The following NLRP2 variants were observed in gnomAD, a reference collection of about 807,000 sequenced individuals.
The protein encoded by NLRP2 is NLR family pyrin domain containing 2.
In NLRP2, 107 loss-of-function variants were observed where a neutral mutation model predicts 97.2. That is an observed-to-expected ratio of 1.10 (90% CI 0.94 to 1.29). The LOEUF is 1.29. Among genes scored for constraint, NLRP2 ranks in the 50% most tolerant of loss-of-function variants. NLRP2 has a pLI of 0.00. For missense variants in NLRP2, 1,495 were observed against 1,330.3 expected (o/e 1.12, Z -1.93); for synonymous variants, 663 against 551.5 (o/e 1.20, Z -2.83).
At chr19:54,992,454 C>T (rs1408117414) in intron 10 of NLRP2, among the ~76,000 whole-genome samples, 8 of 148,380 alleles carry the variant, frequency 5.4e-5, no homozygotes, top group African/African-American at 1.3e-4. Flanking sequence ...GAGATGTCAC[C>T]GACTCACTAA....
chr19:54,981,517 T>TCCCC, intron 4 of NLRP2, 100 bp from the exon 5 acceptor site: 3 of 274,194 alleles, frequency 1.1e-5, no homozygotes, highest in African/African-American at 3.6e-5. Context: ...GTGCCCCCCC[T>TCCCC]CCCCCCCGCC....
chr19:54,970,213 C>T lies in NLRP2; in HGVS notation c.198C>T (p.Tyr66=). 2 of 1,614,116 alleles carry T rather than the reference C, an allele frequency of 1.2e-6. No individual in the cohort carries two copies. Among genetic ancestry groups the T allele is most frequent in the Non-Finnish European group, 1.7e-6 (2 of 1,180,000 alleles). Residue 66 remains tyrosine, a synonymous_variant, in exon 2 of 13, where the codon TAC becomes TAT. Transcript: ENST00000448584. ...VEILTTHCDS[Y]WVEMASLQVF... is the part of the protein sequence containing the mutation. ...TCCTCACCACCCATTGTGACAGCTACTGGGTGGAGATGGCGAGCCTCCAGG... is the reference window on the plus strand; with the variant it reads ...TCCTCACCACCCATTGTGACAGCTATTGGGTGGAGATGGCGAGCCTCCAGG...
chr19:54,987,845 A>G (rs2072200017), intron 8 of NLRP2, among the ~76,000 whole-genome samples: 1 of 151,888 alleles, frequency 6.6e-6, no homozygotes, highest in African/African-American at 2.4e-5. Flanking sequence ...GTTCAAGACC[A>G]GCCTGGCCAA....
chr19:54,980,011 G>A (rs915075425), intron 4 of NLRP2, among the ~76,000 whole-genome samples: 14 of 151,344 alleles, frequency 9.3e-5, no homozygotes, highest in African/African-American at 2.9e-4. Context: ...TCCTAACCTC[G>A]TGATCCGTCC....
intron 7 of NLRP2, 65 bp from the exon 8 acceptor site, chr19:54,986,086 G>T: frequency 9.4e-7 from 1 of 1,060,058 alleles, no homozygotes; most frequent in Non-Finnish European, 1.5e-6. Flanking sequence ...CGAGCCCCTG[G>T]TTTCCATTTA....
At chr19:54,995,713 G>C (rs1472081093) in intron 11 of NLRP2, among the ~76,000 whole-genome samples, 2 of 152,072 alleles carry the variant, frequency 1.3e-5, no homozygotes, top group African/African-American at 4.8e-5. Flanking sequence ...AGATGCACTT[G>C]AACCTGGAAT....
intron 8 of NLRP2, among the ~76,000 whole-genome samples, chr19:54,988,067 C>T (rs1365238415): frequency 6.6e-6 from 1 of 151,984 alleles, no homozygotes; most frequent in Non-Finnish European, 1.5e-5. Context: ...AAATTGATTG[C>T]TCTGGCTCTA....
chr19:54,976,998 A>C (rs1276369904), intron 3 of NLRP2: 1 of 343,594 alleles, frequency 2.9e-6, no homozygotes, highest in African/African-American at 2.2e-5. Flanking sequence ...TTGTTTTAGT[A>C]GAGACGGGGC....
chr19:54,984,740 C>CACA (rs960837073), intron 6 of NLRP2, among the ~76,000 whole-genome samples: 3 of 151,988 alleles, frequency 2.0e-5, no homozygotes, highest in Non-Finnish European at 4.4e-5. Flanking sequence ...GCCTCAGCCT[C>CACA]ACAAAGTGCT....
intron 10 of NLRP2, among the ~76,000 whole-genome samples, chr19:54,992,538 TGGGGG>T (rs58208380): frequency 2.8e-4 from 28 of 101,150 alleles, no homozygotes; most frequent in South Asian, 1.2e-3. Context: ...GGTATTTTTT[TGGGGG>T]GGGGGGGGTT....
intron 4 of NLRP2, among the ~76,000 whole-genome samples, chr19:54,978,845 TAAAA>T (rs78482875): frequency 1.5e-5 from 2 of 136,354 alleles, no homozygotes; most frequent in East Asian, 4.3e-4. Context: ...GACTCCATCT[TAAAA>T]AAAAAAAAAA....
intron 4 of NLRP2, among the ~76,000 whole-genome samples, chr19:54,979,952 A>G (rs926337859): frequency 6.6e-6 from 1 of 150,734 alleles, no homozygotes; most frequent in Non-Finnish European, 1.5e-5. Flanking sequence ...AATTTTTTGT[A>G]TTTTAGTAGA....
intron 7 of NLRP2, 109 bp from the exon 8 acceptor site, chr19:54,986,042 C>A: frequency 1.3e-6 from 1 of 785,926 alleles, no homozygotes; most frequent in Non-Finnish European, 2.2e-6. Context: ...AAAATTTAAA[C>A]ATGGAAAAAA....
chr19:54,973,913 C>T, intron 2 of NLRP2: 1 of 716,472 alleles, frequency 1.4e-6, no homozygotes, highest in Non-Finnish European at 2.5e-6. Flanking sequence ...TTGGTATGCC[C>T]AGGGGAAGTA....
rs2146459436 is a variant in NLRP2 at position 54,984,975 on chromosome 19, C to A, written c.2031-72C>A. Reference sequence around the variant, plus strand: ...GTACTCATTTGTCAGGGGTATATGCCCAGAGAAACCCTAAATACTTCAGCC... The same window carrying A: ...GTACTCATTTGTCAGGGGTATATGCACAGAGAAACCCTAAATACTTCAGCC... On this transcript the variant is annotated intron_variant, in intron 6 of 12. Transcript: ENST00000448584. 5 of 1,475,034 alleles carry A rather than the reference C, an allele frequency of 3.4e-6. No homozygotes were observed. In the South Asian group the frequency reaches 3.4e-5, roughly 10 times the overall value. 91.4% of individuals were successfully genotyped at this position (1,475,034 alleles called of 1,614,324 possible).
Position 55,000,988 on chromosome 19 carries a change from C to T in NLRP2, c.*90C>T. On this transcript the variant is annotated 3_prime_UTR_variant, in exon 13 of 13. Transcript: ENST00000448584. ...GACTCCTCTCCTCCCCGGCCCCTAC[C>T]CCTCAGGGATAATGAGTTCATTGCT... 1 of 1,173,754 alleles carries T rather than the reference C, an allele frequency of 8.5e-7. No individual in the cohort carries two copies. Among genetic ancestry groups the T allele is most frequent in the Non-Finnish European group, 1.3e-6 (1 of 786,836 alleles). The allele number at this position is 1,173,754 out of a possible 1,614,324, so 72.7% of individuals were successfully genotyped here.
At chr19:54,999,534 G>C (rs1241030087) in intron 12 of NLRP2, among the ~76,000 whole-genome samples, 1 of 152,114 alleles carries the variant, frequency 6.6e-6, no homozygotes, top group East Asian at 1.9e-4. Context: ...AGGTATTAGA[G>C]CTATAGCCCA....
intron 5 of NLRP2, 75 bp from the exon 6 acceptor site, chr19:54,982,087 C>A: frequency 2.5e-6 from 4 of 1,587,052 alleles, no homozygotes; most frequent in Non-Finnish European, 3.4e-6. Context: ...CAACACAAGG[C>A]ATTTTGTTAT....
chr19:54,981,735 A>C, intron 5 of NLRP2, 53 bp downstream of exon 5: 1 of 982,166 alleles, frequency 1.0e-6, no homozygotes, highest in Non-Finnish European at 1.7e-6. Flanking sequence ...CTCTTTATAA[A>C]CTTGAAGTCC....
Sources: allele counts gnomAD v4.1 joint callset (sites outside exome capture counted in the v4.1 genomes callset), GRCh38; gene constraint gnomAD v4.1.1; transcripts MANE v1.5; gene names NCBI Gene and HGNC (gene_info 2026-07-23, HGNC 2026-07-21).